Variants in HSD17B3 observed in about 807,000 individuals in gnomAD.
HSD17B3 encodes 17-beta-hydroxysteroid dehydrogenase type 3.
A neutral mutation model predicts 41.1 loss-of-function variants in HSD17B3; 29 were observed. That is an observed-to-expected ratio of 0.71 (90% CI 0.53 to 0.96). The LOEUF is 0.96. Ranked by LOEUF, HSD17B3 falls within the 40% of genes least tolerant of loss-of-function variation. The pLI is 0.00. For missense variants in HSD17B3, 323 were observed against 374.6 expected (o/e 0.86, Z 1.14); for synonymous variants, 126 against 145.6 (o/e 0.87, Z 0.97).
At chr9:96,265,850 AG>A (rs1324852812) in intron 2 of HSD17B3, among the ~76,000 whole-genome samples, 7 of 152,252 alleles carry the variant, frequency 4.6e-5, no homozygotes, top group African/African-American at 1.7e-4. Flanking sequence ...TTACCTTTTC[AG>A]TAATTGTTGG....
chr9:96,268,624 C>A (rs1335276241), intron 2 of HSD17B3, among the ~76,000 whole-genome samples: 1 of 152,098 alleles, frequency 6.6e-6, no homozygotes, highest in East Asian at 1.9e-4. Flanking sequence ...CACCTCTATT[C>A]AGTTTATGAG....
chr9:96,294,237 G>A (rs920755137), intron 2 of HSD17B3, among the ~76,000 whole-genome samples: 81 of 147,890 alleles, frequency 5.5e-4, no homozygotes, highest in African/African-American at 2.0e-3. Context: ...AACAAAGTGA[G>A]ACCTCATCTC....
At chr9:96,239,239 C>T (rs1836340951) in intron 10 of HSD17B3, 1 of 152,364 alleles carries the variant, frequency 6.6e-6, no homozygotes, top group Admixed American at 6.5e-5. Context: ...GCATCCTCTC[C>T]CAGCGCCACC....
chr9:96,242,708 C>T (rs1404754094), intron 9 of HSD17B3, among the ~76,000 whole-genome samples: 1 of 152,150 alleles, frequency 6.6e-6, no homozygotes, highest in Non-Finnish European at 1.5e-5. Context: ...ACTCCATTTC[C>T]CCACCCACAT....
intron 8 of HSD17B3, 132 bp downstream of exon 8, chr9:96,245,213 G>A (rs1035743508): frequency 2.5e-5 from 20 of 792,756 alleles, no homozygotes; most frequent in Non-Finnish European, 3.9e-5. Context: ...CCAGTGAGTA[G>A]CTCAGCCCTG....
chr9:96,282,005 T>G (rs1826716082), intron 2 of HSD17B3, among the ~76,000 whole-genome samples: 1 of 152,248 alleles, frequency 6.6e-6, no homozygotes, highest in Non-Finnish European at 1.5e-5. Context: ...GCAAATTTGG[T>G]GTGCTTTGTG....
chr9:96,253,627 TA>T (rs1399570680), intron 3 of HSD17B3, among the ~76,000 whole-genome samples: 1 of 152,182 alleles, frequency 6.6e-6, no homozygotes, highest in African/African-American at 2.4e-5. Flanking sequence ...TACTCTGTGT[TA>T]ACTTGCCTTC....
intron 2 of HSD17B3, among the ~76,000 whole-genome samples, chr9:96,275,816 C>T (rs1370630087): frequency 2.0e-5 from 3 of 151,448 alleles, no homozygotes; most frequent in East Asian, 3.9e-4. Context: ...TAAAGGAAAA[C>T]AGCAAAAGAG....
intron 2 of HSD17B3, among the ~76,000 whole-genome samples, chr9:96,286,925 T>C (rs1826945608): frequency 6.6e-6 from 1 of 152,212 alleles, no homozygotes; most frequent in African/African-American, 2.4e-5. Flanking sequence ...GCTCTGTCTA[T>C]GGAGTAGCCC....
intron 10 of HSD17B3, among the ~76,000 whole-genome samples, chr9:96,237,592 G>A (rs1836281866): frequency 6.6e-6 from 1 of 152,158 alleles, no homozygotes; most frequent in Non-Finnish European, 1.5e-5. Context: ...TCTTTGCCTG[G>A]CCTCTTGGTA....
chr9:96,302,043 A>G lies in HSD17B3; in HGVS notation c.62T>C (p.Leu21Pro), dbSNP rs1238780362. The change falls in exon 1 of 11, where the codon CTG becomes CCG. Residue 21 changes from leucine (L) to proline (P), a missense_variant. Physicochemically the swap from Leu to Pro is moderately conservative, Grantham distance 98 (BLOSUM62 -3). Coordinates refer to ENST00000375263, the MANE Select transcript of HSD17B3 (RefSeq NM_000197.2). ...TCTGGAGAATCTCACGCACTTCGCC[A>G]GGCAGGCCAGGCACACCAGCAGCCC... ...LTGLLVCLAC[L>P]AKCVRFSRCV... The G allele has an allele frequency of 2.5e-6, 4 of 1,614,022 alleles. No individual in the cohort carries two copies. The highest frequency in any genetic ancestry group is 1.3e-5 in the African/African-American group (1 of 74,934).
chr9:96,255,406 TTG>T (rs1825606849), intron 2 of HSD17B3, among the ~76,000 whole-genome samples: 1 of 99,222 alleles, frequency 1.0e-5, no homozygotes, highest in Non-Finnish European at 1.9e-5. Context: ...TTTTTTTTTT[TTG>T]CAATAGAGTC....
chr9:96,288,049 G>A (rs1454107598), intron 2 of HSD17B3, among the ~76,000 whole-genome samples: 3 of 152,178 alleles, frequency 2.0e-5, no homozygotes, highest in Non-Finnish European at 4.4e-5. Context: ...AAACAGTCAC[G>A]GAGAACGGCA....
At chr9:96,301,249 A>G (rs527665491) in intron 1 of HSD17B3, among the ~76,000 whole-genome samples, 2 of 152,202 alleles carry the variant, frequency 1.3e-5, no homozygotes, top group Admixed American at 1.3e-4. Context: ...GCTCTCAAAG[A>G]GAAAAAAATG....
At chr9:96,281,024 T>C (rs978840562) in intron 2 of HSD17B3, among the ~76,000 whole-genome samples, 10 of 152,182 alleles carry the variant, frequency 6.6e-5, no homozygotes, top group Non-Finnish European at 1.3e-4. Context: ...GCTCTGTCCA[T>C]GGAGTAGCCA....
rs544753958 is a variant in HSD17B3 at position 96,261,356 on chromosome 9, C to T, written c.202-6413G>A. ...GACCATGGGCATGTGCCACCATGCC[C>T]GGCTAATTTTTGTATTTTTAGTGGA... On this transcript the variant is annotated intron_variant, in intron 2 of 10. Transcript: ENST00000375263. 3.3e-5 allele frequency among the ~76,000 whole-genome samples: 5 copies of T among 152,286 alleles called. No individual in the cohort carries two copies. The South Asian group carries it at 6.2e-4, about 19-fold the overall frequency.
chr9:96,278,981 G>T (rs80098014), intron 2 of HSD17B3, among the ~76,000 whole-genome samples: 17 of 152,064 alleles, frequency 1.1e-4, no homozygotes, highest in Non-Finnish European at 2.2e-4. Flanking sequence ...GCTCATCCCC[G>T]GTAGATAAAA....
chr9:96,281,848 T>TC (rs922924383), intron 2 of HSD17B3, among the ~76,000 whole-genome samples: 1 of 152,116 alleles, frequency 6.6e-6, no homozygotes, highest in African/African-American at 2.4e-5. Flanking sequence ...GCGTCTCGCC[T>TC]CCCCCACCCT....
At chr9:96,271,650 C>T (rs987049297) in intron 2 of HSD17B3, among the ~76,000 whole-genome samples, 3 of 152,170 alleles carry the variant, frequency 2.0e-5, no homozygotes, top group Admixed American at 6.5e-5. Context: ...AGAACCCACA[C>T]GATAGATGGA....
Sources: gnomAD v4.1 joint callset for allele counts (sites outside exome capture counted in the v4.1 genomes callset) on GRCh38, gnomAD v4.1.1 for gene constraint, MANE v1.5 for transcripts, NCBI Gene and HGNC (gene_info 2026-07-23, HGNC 2026-07-21) for gene names.